The following MAP4 variants were observed in gnomAD, a reference collection of about 807,000 sequenced individuals.
MAP4 encodes the protein microtubule-associated protein 4.
Under a neutral mutation model 170.2 loss-of-function variants are expected in MAP4, and 76 were observed. That is an observed-to-expected ratio of 0.45 (90% CI 0.37 to 0.54). The LOEUF (loss-of-function observed/expected upper bound fraction) is 0.54, where lower values mean the gene tolerates loss of function less well. Ranked by LOEUF, MAP4 falls within the 20% of genes least tolerant of loss-of-function variation. The pLI, the probability that MAP4 is intolerant of heterozygous loss-of-function variation, is 0.00. For synonymous variants in MAP4, 909 were observed against 994.5 expected, an observed-to-expected ratio of 0.91 and a Z score of 1.62; for missense variants, 2,506 against 2,748.0, an observed-to-expected ratio of 0.91 and a Z score of 1.97.
At chr3:47,924,852 C>A (rs985578521) in intron 4 of MAP4, among the ~76,000 whole-genome samples, 10 of 152,056 alleles carry the variant, frequency 6.6e-5, no homozygotes, top group Non-Finnish European at 1.2e-4. Flanking sequence ...GCTCTGTCGC[C>A]CAGGCTGGAG....
chr3:47,937,656 CTTTTTTT>C (rs71070243), intron 3 of MAP4, among the ~76,000 whole-genome samples: 1 of 107,934 alleles, frequency 9.3e-6, no homozygotes, highest in Non-Finnish European at 1.8e-5. Context: ...TTTTCTTCTT[CTTTTTTT>C]TTTTTTTTTT....
intron 1 of MAP4, among the ~76,000 whole-genome samples, chr3:48,058,471 G>A (rs1218766002): frequency 5.3e-5 from 8 of 152,072 alleles, no homozygotes; most frequent in African/African-American, 9.7e-5. Context: ...AAGTTTCATC[G>A]GTATTTCTGA....
intron 2 of MAP4, among the ~76,000 whole-genome samples, chr3:47,987,952 T>A (rs1049691038): frequency 6.6e-6 from 1 of 152,080 alleles, no homozygotes; most frequent in African/African-American, 2.4e-5. Context: ...CCCAGCACTT[T>A]GGGAGGCTAC....
At chr3:47,927,941 C>A (rs2100047012) in intron 4 of MAP4, among the ~76,000 whole-genome samples, 1 of 152,192 alleles carries the variant, frequency 6.6e-6, no homozygotes, top group African/African-American at 2.4e-5. Flanking sequence ...CATAATAATT[C>A]CTTCTGGAAG....
In MAP4 at chr3:48,031,161, AGCACTTTG is replaced by A. The variant is rs371225254; in HGVS notation, c.-19-32290_-19-32283del. ...TGCAATGGCTTACATCTGTAATCCC[AGCACTTTG>A]GCAGGCCAAGGCAGGAGGTTCACTT... On this transcript the variant is annotated intron_variant, in intron 1 of 18. Coordinates refer to the MAP4 transcript ENST00000360240. Among the ~76,000 whole-genome samples the A allele has an allele frequency of 5.9e-5, 9 of 152,348 alleles. No homozygotes were observed. In the East Asian group the frequency reaches 1.5e-3, roughly 26 times the overall value.
rs1181346047 is a variant in MAP4, at chr3:47,852,179, T to A, written c.*755A>T. The stretch of plus-strand genomic sequence containing the variant: ...ATCTCCGCCCTGTTCCCTCTAACAC[T>A]TACTGAGGACTTTCATGTAGACATG... On this transcript the variant is annotated 3_prime_UTR_variant, in exon 21 of 21. Coordinates refer to ENST00000683076, the MANE Select transcript of MAP4 (RefSeq NM_001385682.1). 1 of 152,636 alleles carries A rather than the reference T, an allele frequency of 6.6e-6. No homozygotes were observed. The highest frequency in any genetic ancestry group is 2.4e-5 in the African/African-American group (1 of 41,396). The allele number at this position is 152,636 out of a possible 1,614,324, so 9.5% of individuals were successfully genotyped here.
chr3:47,866,877 C>T (rs1299136677), intron 17 of MAP4, among the ~76,000 whole-genome samples: 1 of 152,134 alleles, frequency 6.6e-6, no homozygotes, highest in African/African-American at 2.4e-5. Flanking sequence ...GTTACTTCCA[C>T]GGTAATTCAA....
rs369521363 is a variant in MAP4 at position 47,998,877 on chromosome 3, T to C, written c.-17A>G. On this transcript the variant is annotated splice_region_variant and 5_prime_UTR_variant, in exon 2 of 21. Transcript: ENST00000683076. ...GTCAGCCATTCTGCACCACTGCAAC[T>C]GCCTGGTGAAGAGGAAAAAGATCTT... 1.8e-5 allele frequency: 28 copies of C among 1,552,582 alleles called. No homozygotes were observed. Among genetic ancestry groups the C allele is most frequent in the Non-Finnish European group, 2.2e-5 (25 of 1,124,300 alleles).
intron 3 of MAP4, among the ~76,000 whole-genome samples, chr3:47,971,013 G>A (rs1488551612): frequency 3.3e-5 from 5 of 152,116 alleles, no homozygotes; most frequent in African/African-American, 2.4e-5. Context: ...CACTCTAAAC[G>A]TAAATGTAAC....
At chr3:48,006,587 C>A (rs1032067864) in intron 1 of MAP4, among the ~76,000 whole-genome samples, 2 of 152,176 alleles carry the variant, frequency 1.3e-5, no homozygotes, top group African/African-American at 4.8e-5. Flanking sequence ...AGGTTGAGGG[C>A]TATCATGGTG....
chr3:47,910,617 A>G lies in MAP4; in HGVS notation c.3804T>C (p.His1268=). 4 of 1,536,110 alleles carry G rather than the reference A, an allele frequency of 2.6e-6. No individual in the cohort carries two copies. In the South Asian group the frequency reaches 3.6e-5, roughly 14 times the overall value. Residue 1268 remains histidine, a synonymous_variant, in exon 9 of 21, where the codon CAT becomes CAC. Coordinates refer to ENST00000683076, the MANE Select transcript of MAP4 (RefSeq NM_001385682.1). ...KEIGFTFPKM[H]DSSFSHTPDT... ...CTGGTGTATGTGAGAACGAAGAATC[A>G]TGCATTTTGGGGAAAGTAAATCCTA...
chr3:47,994,575 T>C (rs1284550940), intron 2 of MAP4, among the ~76,000 whole-genome samples: 1 of 152,222 alleles, frequency 6.6e-6, no homozygotes, highest in Non-Finnish European at 1.5e-5. Flanking sequence ...CTTGAGTTAT[T>C]TGATCCATGT....
chr3:48,081,367 T>G (rs2100146619), intron 1 of MAP4, among the ~76,000 whole-genome samples: 1 of 152,000 alleles, frequency 6.6e-6, no homozygotes, highest in Admixed American at 6.6e-5. Context: ...ACTCACTTCC[T>G]GTTTGGCCAA....
intron 4 of MAP4, 58 bp from the exon 5 acceptor site, chr3:47,921,936 T>C (rs764036711): frequency 6.6e-5 from 53 of 807,836 alleles, no homozygotes; most frequent in Middle Eastern, 2.3e-4. Flanking sequence ...GAAAGATTAA[T>C]ATTTCTTTCT....
rs2100036078 is a variant in MAP4 at position 47,911,770 on chromosome 3, T to A, written c.2651A>T (p.Asn884Ile). 1 of 1,536,150 alleles carries A rather than the reference T, an allele frequency of 6.5e-7. No individual in the cohort carries two copies. ...GTCTTGGTTTTGTAGTACTGACTTG[T>A]TACTTTTGCTCTCTTCCTCTACTCT... ...KLRVEEESKS[N>I]KSVLQNQDKK... The change falls in exon 9 of 21, where the codon AAC (asparagine) becomes ATC (isoleucine). Residue 884 changes from asparagine (N) to isoleucine (I), a missense_variant. By Grantham distance (149) the Asn-to-Ile change is moderately radical (BLOSUM62 -3). Coordinates refer to ENST00000683076, the MANE Select transcript of MAP4 (RefSeq NM_001385682.1). This position sits in a 1 kb window ranked among gnomAD's most constrained non-coding sequence, Gnocchi z 4.0.
At chr3:47,876,075 T>A (rs952300519) in intron 11 of MAP4, among the ~76,000 whole-genome samples, 175 bp from the exon 12 acceptor site, 11 of 151,722 alleles carry the variant, frequency 7.3e-5, no homozygotes, top group Admixed American at 5.3e-4. Flanking sequence ...GCTCAATAAA[T>A]AATGGAATGA....
intron 9 of MAP4, among the ~76,000 whole-genome samples, chr3:47,908,804 G>A (rs1039517838): frequency 2.6e-5 from 4 of 152,068 alleles, no homozygotes; most frequent in Non-Finnish European, 4.4e-5. Context: ...AAAATTCAAC[G>A]TTCAGTGCTG....
chr3:47,853,035 G>A, intron 20 of MAP4, 97 bp from the exon 21 acceptor site: 1 of 1,614,218 alleles, frequency 6.2e-7, no homozygotes, highest in Non-Finnish European at 8.5e-7. Context: ...GTCATCATTA[G>A]ATGCCTGGAA....
chr3:47,989,604 A>G (rs1040568673), intron 2 of MAP4, among the ~76,000 whole-genome samples: 7 of 152,244 alleles, frequency 4.6e-5, no homozygotes, highest in African/African-American at 1.7e-4. Context: ...AAGGAAGAAG[A>G]GAAGCTGGAT....
Sources: gnomAD v4.1 joint callset for allele counts (sites outside exome capture counted in the v4.1 genomes callset) on GRCh38, gnomAD v4.1.1 for gene constraint, Gnocchi (gnomAD v3.1) non-coding constraint, MANE v1.5 for transcripts, NCBI Gene and HGNC (gene_info 2026-07-23, HGNC 2026-07-21) for gene names.